The following LMBRD1 variants were observed in gnomAD, a reference collection of about 807,000 sequenced individuals.
LMBRD1 encodes the protein lysosomal cobalamin transport escort protein LMBD1.
In LMBRD1, 64 loss-of-function variants were observed where a neutral mutation model predicts 74.8. The observed-to-expected ratio is 0.86, with a 90% CI of 0.70 to 1.05. The LOEUF (loss-of-function observed/expected upper bound fraction) is 1.05, where lower values mean the gene tolerates loss of function less well. LMBRD1 is among the 50% of genes least tolerant of loss of function. The probability of loss-of-function intolerance (pLI) is 0.00; values close to 1 mark genes in which losing one functional copy is unlikely to be tolerated. For synonymous variants in LMBRD1, 204 were observed against 216.3 expected, an observed-to-expected ratio of 0.94 and a Z score of 0.50; for missense variants, 652 against 645.9, an observed-to-expected ratio of 1.01 and a Z score of -0.10.
In LMBRD1 at chr6:69,676,246, G is replaced by A. The variant is rs2149832286; in HGVS notation, c.1535C>T (p.Ser512Phe). 1 of 1,613,114 alleles carries A rather than the reference G, an allele frequency of 6.2e-7. No homozygotes were observed. The highest frequency in any genetic ancestry group is 2.2e-5 in the East Asian group (1 of 44,760). ...AACCGATTTCTTCCCTTTACAACAG[G>A]ATACAATTAATCCAATCAAAAATAC... is the stretch of plus-strand genomic sequence containing the variant. Reference protein sequence around the residue: ...LGVFLIGLIVSCCKGKKSVIE... With the variant: ...LGVFLIGLIVFCCKGKKSVIE... Residue 512 changes from serine to phenylalanine, a missense_variant, in exon 16 of 16, where the codon TCC becomes TTC. By Grantham distance (155) the Ser-to-Phe change is radical (BLOSUM62 -2). Transcript: ENST00000649934.
chr6:69,683,629 G>C (rs1398968239), intron 14 of LMBRD1, among the ~76,000 whole-genome samples: 2 of 151,956 alleles, frequency 1.3e-5, no homozygotes, highest in Admixed American at 1.3e-4. Context: ...TAAAAGATTA[G>C]AAATGTATAG....
intron 14 of LMBRD1, among the ~76,000 whole-genome samples, chr6:69,687,318 ATCTCCTTT>A (rs1383716571): frequency 1.5e-4 from 23 of 152,264 alleles, no homozygotes; most frequent in African/African-American, 5.5e-4. Flanking sequence ...ACACCAGTTA[ATCTCCTTT>A]GGCACTTTAT....
intron 7 of LMBRD1, among the ~76,000 whole-genome samples, chr6:69,736,764 A>C (rs941199620): frequency 1.3e-5 from 2 of 152,218 alleles, no homozygotes; most frequent in African/African-American, 4.8e-5. Flanking sequence ...TTAAAGGACA[A>C]ACCCAAGATT....
chr6:69,794,599 T>G (rs2149899691), intron 1 of LMBRD1, among the ~76,000 whole-genome samples: 1 of 152,350 alleles, frequency 6.6e-6, no homozygotes, highest in South Asian at 2.1e-4. Flanking sequence ...AAAGAAAAAC[T>G]GACAGTATTT....
At chr6:69,686,215 T>C (rs1441545802) in intron 14 of LMBRD1, among the ~76,000 whole-genome samples, 2 of 152,172 alleles carry the variant, frequency 1.3e-5, no homozygotes, top group African/African-American at 4.8e-5. Context: ...TAAGGCAAAG[T>C]TCTTTATATT....
At chr6:69,710,783 CATAAGA>C (rs1582074597) in intron 9 of LMBRD1, among the ~76,000 whole-genome samples, 1 of 152,128 alleles carries the variant, frequency 6.6e-6, no homozygotes, top group East Asian at 1.9e-4. Flanking sequence ...ACTGCATATT[CATAAGA>C]ATAACTCTTA....
chr6:69,745,408 G>A (rs112931268), intron 5 of LMBRD1, among the ~76,000 whole-genome samples: 16,722 of 150,990 alleles, frequency 0.11, 2,598 homozygotes, highest in African/African-American at 0.35. Context: ...ACAGGCGCCC[G>A]CCACCGTGCC....
chr6:69,709,170 C>G (rs983127315), intron 9 of LMBRD1, among the ~76,000 whole-genome samples: 1 of 151,682 alleles, frequency 6.6e-6, no homozygotes, highest in South Asian at 2.1e-4. Flanking sequence ...GGAGGCGGAG[C>G]TTGCGGTGAG....
At chr6:69,735,792 A>T (rs7758405) in intron 7 of LMBRD1, among the ~76,000 whole-genome samples, 73,014 of 151,934 alleles carry the variant, frequency 0.48, 18,236 homozygotes, top group African/African-American at 0.61. Flanking sequence ...GGGCTTCAAA[A>T]CTCAATCAGT....
intron 14 of LMBRD1, among the ~76,000 whole-genome samples, chr6:69,678,388 AG>A (rs1765591601): frequency 6.6e-6 from 1 of 152,008 alleles, no homozygotes; most frequent in Non-Finnish European, 1.5e-5. Context: ...GAAGAGGTGA[AG>A]GAAGTAGAAT....
chr6:69,792,184 G>A (rs867389378), intron 1 of LMBRD1, among the ~76,000 whole-genome samples: 45 of 152,310 alleles, frequency 3.0e-4, no homozygotes, highest in Middle Eastern at 3.4e-3. Context: ...ATGCCCACAC[G>A]AGTGTGTACT....
At chr6:69,775,592 T>A (rs1479207618) in intron 3 of LMBRD1, among the ~76,000 whole-genome samples, 1 of 152,210 alleles carries the variant, frequency 6.6e-6, no homozygotes, top group African/African-American at 2.4e-5. Context: ...GTCATTGTAT[T>A]CTTCAGGGAG....
chr6:69,710,558 G>A (rs1014318105), intron 9 of LMBRD1, among the ~76,000 whole-genome samples: 7 of 151,972 alleles, frequency 4.6e-5, no homozygotes, highest in East Asian at 1.9e-4. Context: ...AACTTGCCAC[G>A]AACTAGGAGA....
chr6:69,760,001 T>A (rs1253022674), intron 3 of LMBRD1, among the ~76,000 whole-genome samples: 2 of 152,120 alleles, frequency 1.3e-5, no homozygotes, highest in African/African-American at 4.8e-5. Flanking sequence ...TATGACAATA[T>A]CAAAGTTTAG....
At chr6:69,713,897 C>T in intron 8 of LMBRD1, 100 bp from the exon 9 acceptor site, 1 of 1,298,644 alleles carries the variant, frequency 7.7e-7, no homozygotes, top group Non-Finnish European at 1.1e-6. Context: ...TCAGGATGGA[C>T]ACTCTTTAGG....
rs1357053773 is a variant in LMBRD1, at chr6:69,687,201, C to A, written c.1417+10362G>T. ...GCTGTTAACACTATCTACAATACTCCTCTCCAGATACTGTGTTTGCTCTTC... is the reference window on the plus strand; with the variant it reads ...GCTGTTAACACTATCTACAATACTCATCTCCAGATACTGTGTTTGCTCTTC... On this transcript the variant is annotated intron_variant, in intron 14 of 15. Transcript: ENST00000649934. Among the ~76,000 whole-genome samples the A allele has an allele frequency of 5.3e-5, 8 of 152,194 alleles. No individual in the cohort carries two copies. The East Asian group carries it at 1.5e-3, about 29-fold the overall frequency.
chr6:69,784,773 C>A (rs1255425918), intron 2 of LMBRD1, among the ~76,000 whole-genome samples: 1 of 152,192 alleles, frequency 6.6e-6, no homozygotes, highest in Non-Finnish European at 1.5e-5. Flanking sequence ...TTACACCCAA[C>A]CCTTTCACTT....
chr6:69,796,855 C>A lies in LMBRD1; in HGVS notation c.27G>T (p.Ala9=), dbSNP rs769952932. MATSGAAS[A]ELVIGWCIFG... is the part of the protein sequence containing the mutation. ...ATATGCACCAGCCGATCACCAGCTC[C>A]GCCGAGGCCGCGCCAGAAGTCGCCA... Residue 9 remains alanine, a synonymous_variant, in exon 1 of 16, where the codon GCG becomes GCT. Coordinates refer to ENST00000649934, the MANE Select transcript of LMBRD1 (RefSeq NM_018368.4). The A allele has an allele frequency of 6.2e-7, 1 of 1,614,136 alleles. No homozygotes were observed. The highest frequency in any genetic ancestry group is 1.7e-5 in the Admixed American group (1 of 60,030).
chr6:69,722,214 A>T (rs1766631179), intron 7 of LMBRD1, among the ~76,000 whole-genome samples: 2 of 152,224 alleles, frequency 1.3e-5, no homozygotes, highest in East Asian at 3.8e-4. Flanking sequence ...CAAGTATGAA[A>T]GATAAAGATC....
Sources: allele counts gnomAD v4.1 joint callset (sites outside exome capture counted in the v4.1 genomes callset), GRCh38; gene constraint gnomAD v4.1.1; transcripts MANE v1.5; gene names NCBI Gene and HGNC (gene_info 2026-07-23, HGNC 2026-07-21).